SH3BGRL: variants seen among roughly 807,000 people sequenced by gnomAD.
SH3BGRL encodes SH3 domain binding glutamate rich protein like.
In SH3BGRL, 7 loss-of-function variants were observed where a neutral mutation model predicts 9.8. The ratio of observed to expected loss-of-function variants is 0.72; its 90% CI spans 0.41 to 1.35. The LOEUF (loss-of-function observed/expected upper bound fraction) is 1.35. SH3BGRL is among the 40% of genes most tolerant of loss of function. The pLI, the probability that SH3BGRL is intolerant of heterozygous loss-of-function variation, is 0.01. For synonymous variants in SH3BGRL, 36 were observed against 29.1 expected (o/e 1.24, Z -0.76); for missense variants, 73 against 84.4 (o/e 0.86, Z 0.53).
chrX:81,254,257 T>A (rs2147696393), intron 1 of SH3BGRL, among the ~76,000 whole-genome samples: 1 of 112,187 alleles, frequency 8.9e-6, no homozygotes, highest in South Asian at 3.7e-4. Flanking sequence ...GCTAGTTGGT[T>A]AACTTCTTGG....
At chrX:81,206,527 G>T (rs1162401379) in intron 1 of SH3BGRL, among the ~76,000 whole-genome samples, 2 of 111,645 alleles carry the variant, frequency 1.8e-5, no homozygotes, top group Non-Finnish European at 3.8e-5. Context: ...TGAATCCAAA[G>T]AATATGTACT....
chrX:81,214,681 C>T (rs1208339284), intron 1 of SH3BGRL, among the ~76,000 whole-genome samples: 2 of 111,196 alleles, frequency 1.8e-5, no homozygotes, highest in Non-Finnish European at 3.8e-5. Context: ...TTGAGAATGC[C>T]CAATGAATAA....
intron 1 of SH3BGRL, among the ~76,000 whole-genome samples, chrX:81,242,306 C>G (rs989783908): frequency 8.9e-6 from 1 of 112,029 alleles, no homozygotes; most frequent in Non-Finnish European, 1.9e-5. Flanking sequence ...CATGAACATA[C>G]ACTGGGGAAA....
intron 1 of SH3BGRL, among the ~76,000 whole-genome samples, chrX:81,209,455 C>G (rs749298184): frequency 9.0e-6 from 1 of 111,346 alleles, no homozygotes; most frequent in Non-Finnish European, 1.9e-5. Flanking sequence ...CTATTAGATT[C>G]ATTTTACCTA....
chrX:81,202,567 T>TCGCA, intron 1 of SH3BGRL: 1 of 839,448 alleles, frequency 1.2e-6, no homozygotes, highest in Non-Finnish European at 1.4e-6. Context: ...TCAAGTAAAA[T>TCGCA]CGCACACTGG....
chrX:81,235,122 T>A (rs1372756), intron 1 of SH3BGRL, among the ~76,000 whole-genome samples: 2 of 111,053 alleles, frequency 1.8e-5, no homozygotes, highest in South Asian at 7.6e-4. Context: ...TTTGAGGATT[T>A]AGAGATAATG....
At chrX:81,241,913 G>A (rs780519919) in intron 1 of SH3BGRL, among the ~76,000 whole-genome samples, 55 of 112,433 alleles carry the variant, frequency 4.9e-4, no homozygotes, top group Non-Finnish European at 8.6e-4. Flanking sequence ...CTGCCCGACA[G>A]CAGAAGCCAG....
chrX:81,247,404 C>T (rs772811338), intron 1 of SH3BGRL, among the ~76,000 whole-genome samples: 9 of 111,506 alleles, frequency 8.1e-5, no homozygotes, highest in Non-Finnish European at 9.4e-5. Flanking sequence ...AGAAATGCTT[C>T]GGGTTTTTGC....
At chrX:81,294,756 C>A (rs1028391738) in intron 3 of SH3BGRL, among the ~76,000 whole-genome samples, 8 of 111,737 alleles carry the variant, frequency 7.2e-5, no homozygotes, top group African/African-American at 2.6e-4. Flanking sequence ...AAGCTGCAGA[C>A]ACTCAACACC....
chrX:81,268,726 A>G (rs889261998), intron 1 of SH3BGRL, among the ~76,000 whole-genome samples: 7 of 111,680 alleles, frequency 6.3e-5, no homozygotes, highest in African/African-American at 2.0e-4. Context: ...GTAGATGTCT[A>G]TTAGGTCTGC....
intron 1 of SH3BGRL, among the ~76,000 whole-genome samples, chrX:81,239,941 A>T (rs1291627649): frequency 1.8e-5 from 2 of 112,346 alleles, no homozygotes; most frequent in African/African-American, 6.5e-5. Flanking sequence ...TCAAACTTGA[A>T]GGAGAAATAT....
intron 1 of SH3BGRL, among the ~76,000 whole-genome samples, chrX:81,240,341 G>C (rs1375648151): frequency 2.7e-5 from 3 of 112,304 alleles, no homozygotes. Flanking sequence ...CATGCAAACA[G>C]TGTTATTATT....
chrX:81,240,104 C>T (rs1412056704), intron 1 of SH3BGRL, among the ~76,000 whole-genome samples: 2 of 111,883 alleles, frequency 1.8e-5, no homozygotes, highest in African/African-American at 6.5e-5. Flanking sequence ...AGAGGAAATA[C>T]ACAGAAAAAA....
At chrX:81,218,584 C>T (rs1437136638) in intron 1 of SH3BGRL, among the ~76,000 whole-genome samples, 1 of 106,380 alleles carries the variant, frequency 9.4e-6, no homozygotes. Flanking sequence ...CCAATCTCTT[C>T]TGGCTTGTAG....
At chrX:81,244,428 A>T (rs1706373457) in intron 1 of SH3BGRL, among the ~76,000 whole-genome samples, 1 of 111,833 alleles carries the variant, frequency 8.9e-6, no homozygotes, top group South Asian at 3.7e-4. Flanking sequence ...ACTTTAGGTT[A>T]TTATGCCAAC....
intron 1 of SH3BGRL, among the ~76,000 whole-genome samples, chrX:81,214,917 A>G (rs762267250): frequency 1.2e-4 from 13 of 111,462 alleles, no homozygotes; most frequent in African/African-American, 3.6e-4. Context: ...GTCATAAGAA[A>G]GTATAACTGA....
In SH3BGRL at chrX:81,278,408, A is replaced by C; in HGVS notation, c.309A>C (p.Ser103=). The part of the protein sequence containing the change: ...AFLGLTAPPG[S]KEAEVQAKQQ... ...TAGGCTTGACAGCCCCACCTGGTTC[A>C]AAGGTATGATACCCTTTTTTTCCTG... Residue 103 remains serine, a synonymous_variant, in exon 3 of 4, where the codon TCA becomes TCC. Coordinates refer to ENST00000373212, the MANE Select transcript of SH3BGRL (RefSeq NM_003022.3). 9 of 1,154,718 alleles carry C rather than the reference A, an allele frequency of 7.8e-6. No homozygotes were observed. Among genetic ancestry groups the C allele is most frequent in the Non-Finnish European group, 1.1e-5 (9 of 849,741 alleles).
intron 1 of SH3BGRL, among the ~76,000 whole-genome samples, chrX:81,238,963 A>T (rs760298444): frequency 8.9e-6 from 1 of 112,099 alleles, no homozygotes; most frequent in African/African-American, 3.2e-5. Flanking sequence ...CAGCCAAAGA[A>T]TTAATGGACT....
At chrX:81,288,599 C>A (rs181095305) in intron 3 of SH3BGRL, among the ~76,000 whole-genome samples, 1 of 112,143 alleles carries the variant, frequency 8.9e-6, no homozygotes, top group East Asian at 2.8e-4. Flanking sequence ...TTGCAGGATG[C>A]AAAATCAACA....
Sources: gnomAD v4.1 joint callset for allele counts (sites outside exome capture counted in the v4.1 genomes callset) on GRCh38, gnomAD v4.1.1 for gene constraint, MANE v1.5 for transcripts, NCBI Gene and HGNC (gene_info 2026-07-23, HGNC 2026-07-21) for gene names.